SLC4A4: variants seen among roughly 807,000 people sequenced by gnomAD.
SLC4A4 encodes the protein solute carrier family 4 member 4, also known as electrogenic sodium bicarbonate cotransporter 1.
SLC4A4 carries 27 observed loss-of-function variants against 111.5 expected under a neutral mutation model. The observed-to-expected ratio is 0.24, with a 90% CI of 0.18 to 0.33. The LOEUF (loss-of-function observed/expected upper bound fraction) is 0.33, where lower values mean the gene tolerates loss of function less well. Ranked by LOEUF, SLC4A4 falls within the 10% of genes least tolerant of loss-of-function variation. The probability of loss-of-function intolerance (pLI) is 1.00; values close to 1 mark genes in which losing one functional copy is unlikely to be tolerated. For synonymous variants in SLC4A4, 443 were observed against 463.4 expected, an observed-to-expected ratio of 0.96 and a Z score of 0.57; for missense variants, 909 against 1,315.5, an observed-to-expected ratio of 0.69 and a Z score of 4.78.
chr4:71,555,583 C>G (rs1056572218), intron 21 of SLC4A4, among the ~76,000 whole-genome samples: 3 of 151,866 alleles, frequency 2.0e-5, no homozygotes, highest in African/African-American at 7.2e-5. Context: ...TGCCTTAACT[C>G]TATACTAAAA....
chr4:71,140,524 A>G (rs1467909073), intron 2 of SLC4A4, among the ~76,000 whole-genome samples: 3 of 152,098 alleles, frequency 2.0e-5, no homozygotes, highest in Non-Finnish European at 4.4e-5. Context: ...ATTGCCTTGA[A>G]TTTCCAGTTG....
At chr4:71,203,138 A>G (rs1338469632) in intron 1 of SLC4A4, among the ~76,000 whole-genome samples, 1 of 152,230 alleles carries the variant, frequency 6.6e-6, no homozygotes, top group Non-Finnish European at 1.5e-5. Context: ...ATGTTTATAT[A>G]TGATGAGTGG....
intron 12 of SLC4A4, among the ~76,000 whole-genome samples, chr4:71,459,390 T>C (rs1233667524): frequency 9.9e-5 from 15 of 151,976 alleles, no homozygotes; most frequent in Non-Finnish European, 4.4e-5. Context: ...CCAGAATTGA[T>C]CATTATTAAC....
At chr4:71,441,307 G>A (rs182000560) in intron 8 of SLC4A4, among the ~76,000 whole-genome samples, 2 of 152,168 alleles carry the variant, frequency 1.3e-5, no homozygotes, top group East Asian at 1.9e-4. Context: ...TTATAATCAC[G>A]TACTCATTTC....
chr4:71,153,513 A>T (rs1744371961), intron 2 of SLC4A4, among the ~76,000 whole-genome samples: 2 of 152,172 alleles, frequency 1.3e-5, no homozygotes, highest in African/African-American at 4.8e-5. Context: ...GCCATTGGCT[A>T]GTCGTTAGTT....
intron 2 of SLC4A4, among the ~76,000 whole-genome samples, chr4:71,127,738 T>G (rs1743596960): frequency 1.3e-5 from 2 of 152,246 alleles, no homozygotes; most frequent in East Asian, 1.9e-4. Flanking sequence ...ACACAATATA[T>G]GTACCTATGA....
intron 16 of SLC4A4, 119 bp from the exon 17 acceptor site, chr4:71,531,943 G>T: frequency 1.4e-6 from 1 of 702,074 alleles, no homozygotes; most frequent in Middle Eastern, 2.8e-4. Context: ...CCTTCAATTT[G>T]TTGATGAAGC....
chr4:71,450,857 A>G (rs995474015), intron 10 of SLC4A4, among the ~76,000 whole-genome samples: 9 of 152,256 alleles, frequency 5.9e-5, no homozygotes, highest in African/African-American at 2.2e-4. Flanking sequence ...ACATAAATTT[A>G]CTGAAGATGA....
At chr4:71,166,513 T>C (rs1744746976) in intron 2 of SLC4A4, among the ~76,000 whole-genome samples, 1 of 152,218 alleles carries the variant, frequency 6.6e-6, no homozygotes, top group Non-Finnish European at 1.5e-5. Flanking sequence ...ATGCCCTGTT[T>C]GGCATACATA....
chr4:71,194,536 A>G (rs1745897380), intron 1 of SLC4A4, among the ~76,000 whole-genome samples: 1 of 152,124 alleles, frequency 6.6e-6, no homozygotes, highest in Non-Finnish European at 1.5e-5. Flanking sequence ...ATCAAGCATC[A>G]TATTGAAAAA....
At chr4:71,246,842 C>T (rs1720696124) in intron 2 of SLC4A4, among the ~76,000 whole-genome samples, 1 of 152,110 alleles carries the variant, frequency 6.6e-6, no homozygotes, top group Admixed American at 6.5e-5. Flanking sequence ...TCCAGGGGCA[C>T]TAGGAGTCCT....
At chr4:71,103,555 G>A (rs1219793580) in intron 2 of SLC4A4, among the ~76,000 whole-genome samples, 4 of 152,078 alleles carry the variant, frequency 2.6e-5, no homozygotes, top group African/African-American at 9.6e-5. Flanking sequence ...AAAGAACAGA[G>A]ATTGTAACAA....
rs1189598315 is a variant in SLC4A4 at position 71,089,448 on chromosome 4, G to A, written c.-64-3282G>A. Among the ~76,000 whole-genome samples the A allele has an allele frequency of 2.0e-5, 3 of 152,088 alleles. No homozygotes were observed. In the East Asian group the frequency reaches 5.8e-4, roughly 29 times the overall value. On this transcript the variant is annotated intron_variant, in intron 1 of 26. Transcript: ENST00000649996. Reference sequence around the variant, plus strand: ...TGTTCCATTGCTGGTGAGGAGCTGTGTTCCTTTGGAGGAGGAGAGGCGCTC... The same window carrying A: ...TGTTCCATTGCTGGTGAGGAGCTGTATTCCTTTGGAGGAGGAGAGGCGCTC...
At chr4:71,443,110 CTCTCTCTATATATATATATA>C (rs1309387237) in intron 8 of SLC4A4, among the ~76,000 whole-genome samples, 3 of 101,042 alleles carry the variant, frequency 3.0e-5, no homozygotes, top group African/African-American at 1.4e-4. Context: ...CTCTCTCTCT[CTCTCTCTATATATATATATA>C]TATATATATA....
At chr4:71,208,589 TTA>T (rs1405699087) in intron 1 of SLC4A4, among the ~76,000 whole-genome samples, 1 of 127,138 alleles carries the variant, frequency 7.9e-6, no homozygotes, top group Non-Finnish European at 1.6e-5. Flanking sequence ...GGGGCCTACA[TTA>T]GAATGTGTAG....
At chr4:71,337,898 C>T (rs997544029) in intron 3 of SLC4A4, among the ~76,000 whole-genome samples, 2 of 151,854 alleles carry the variant, frequency 1.3e-5, no homozygotes, top group African/African-American at 4.8e-5. Flanking sequence ...GGCATGATCT[C>T]GGCTCACTGC....
At chr4:71,261,433 T>G (rs12643326) in intron 3 of SLC4A4, among the ~76,000 whole-genome samples, 2 of 152,014 alleles carry the variant, frequency 1.3e-5, no homozygotes, top group Admixed American at 6.6e-5. Context: ...TAAGAAGGGC[T>G]GTTGGGTGGG....
intron 2 of SLC4A4, among the ~76,000 whole-genome samples, chr4:71,095,642 G>C (rs1350836513): frequency 6.6e-6 from 1 of 152,124 alleles, no homozygotes; most frequent in African/African-American, 2.4e-5. Flanking sequence ...TTCAGTGACT[G>C]ATAAGGTCTA....
intron 2 of SLC4A4, among the ~76,000 whole-genome samples, chr4:71,143,983 G>A (rs1166695472): frequency 2.6e-5 from 4 of 152,266 alleles, no homozygotes; most frequent in South Asian, 2.1e-4. Context: ...GGCTTTTGTT[G>A]CCATTGCTTT....
Sources: gnomAD v4.1 joint callset for allele counts (sites outside exome capture counted in the v4.1 genomes callset) on GRCh38, gnomAD v4.1.1 for gene constraint, MANE v1.5 for transcripts, NCBI Gene and HGNC (gene_info 2026-07-23, HGNC 2026-07-21) for gene names.